The following RABGAP1 variants were observed in gnomAD, a reference collection of about 807,000 sequenced individuals.
The protein encoded by RABGAP1 is RAB GTPase activating protein 1, also known as rab GTPase-activating protein 1.
RABGAP1 carries 23 observed loss-of-function variants against 137.6 expected under a neutral mutation model. The ratio of observed to expected loss-of-function variants is 0.17; its 90% CI spans 0.12 to 0.24. The LOEUF is 0.24. Ranked by LOEUF, RABGAP1 falls within the 10% of genes least tolerant of loss-of-function variation. The probability of loss-of-function intolerance (pLI) is 1.00; values close to 1 mark genes in which losing one functional copy is unlikely to be tolerated. For synonymous variants in RABGAP1, 451 were observed against 450.7 expected (o/e 1.00, Z -0.01); for missense variants, 906 against 1,275.8 (o/e 0.71, Z 4.42).
At chr9:123,080,024 A>G (rs2034658846) in intron 19 of RABGAP1, among the ~76,000 whole-genome samples, 1 of 152,198 alleles carries the variant, frequency 6.6e-6, no homozygotes, top group Non-Finnish European at 1.5e-5. Context: ...GTGTTTTACA[A>G]AGAAGAGTTA....
intron 15 of RABGAP1, among the ~76,000 whole-genome samples, chr9:123,073,283 T>C (rs1329371278): frequency 6.6e-6 from 1 of 152,206 alleles, no homozygotes; most frequent in Admixed American, 6.5e-5. Flanking sequence ...TGATGTCTAA[T>C]TCCTATTACA....
intron 1 of RABGAP1, chr9:122,946,135 T>C (rs925494380): frequency 6.6e-6 from 1 of 152,088 alleles, no homozygotes; most frequent in African/African-American, 2.4e-5. Flanking sequence ...TAATACGAGA[T>C]AGCATACTGG....
intron 10 of RABGAP1, among the ~76,000 whole-genome samples, chr9:123,003,850 TAAAC>T (rs1235030803): frequency 1.3e-5 from 2 of 152,244 alleles, no homozygotes; most frequent in African/African-American, 4.8e-5. Flanking sequence ...AAAGACCAAT[TAAAC>T]ATTCTTATAA....
At chr9:123,038,062 T>A (rs2032759055) in intron 13 of RABGAP1, among the ~76,000 whole-genome samples, 1 of 152,184 alleles carries the variant, frequency 6.6e-6, no homozygotes, top group African/African-American at 2.4e-5. Flanking sequence ...ACTGATGTTA[T>A]ATTTGTAAAC....
intron 2 of RABGAP1, among the ~76,000 whole-genome samples, chr9:122,960,858 C>A (rs1029877329): frequency 6.6e-6 from 1 of 152,056 alleles, no homozygotes. Flanking sequence ...AATGGAAATT[C>A]TGGAATGGAA....
intron 16 of RABGAP1, 114 bp from the exon 17 acceptor site, chr9:123,074,171 A>G: frequency 7.7e-7 from 1 of 1,297,030 alleles, no homozygotes. Context: ...GGAGATTTTT[A>G]GAAAAACACA....
At chr9:122,965,082 G>A (rs1835067510) in intron 2 of RABGAP1, among the ~76,000 whole-genome samples, 1 of 152,080 alleles carries the variant, frequency 6.6e-6, no homozygotes, top group Non-Finnish European at 1.5e-5. Flanking sequence ...AGTAGTTCTA[G>A]GAAGTATAAA....
At chr9:123,037,903 A>G (rs925515667) in intron 13 of RABGAP1, among the ~76,000 whole-genome samples, 12 of 152,026 alleles carry the variant, frequency 7.9e-5, no homozygotes, top group African/African-American at 2.7e-4. Flanking sequence ...GTCTGACTTC[A>G]AAAAAAATGT....
intron 13 of RABGAP1, chr9:123,029,403 C>T (rs1049708965): frequency 6.1e-6 from 9 of 1,483,128 alleles, no homozygotes; most frequent in Non-Finnish European, 8.5e-6. Context: ...GCAGCTGGAG[C>T]ATCTCTGCCC....
chr9:123,050,730 T>C (rs1422996890), intron 13 of RABGAP1, among the ~76,000 whole-genome samples: 5 of 152,228 alleles, frequency 3.3e-5, no homozygotes. Context: ...CTATTACTGA[T>C]ATACAGGCTA....
chr9:123,076,112 A>G, intron 17 of RABGAP1, 133 bp from the exon 18 acceptor site: 1 of 902,820 alleles, frequency 1.1e-6, no homozygotes, highest in East Asian at 2.9e-5. Context: ...TTATTTTTCA[A>G]GGTAGTTCTG....
chr9:123,057,614 G>C (rs994274629), intron 13 of RABGAP1, among the ~76,000 whole-genome samples: 3 of 151,744 alleles, frequency 2.0e-5, no homozygotes, highest in African/African-American at 4.8e-5. Flanking sequence ...GACGATGGGC[G>C]GCCAGGCAGA....
In RABGAP1 at chr9:122,942,669, C is replaced by CAAAAAAAAAAAAAAAAAA. The variant is rs10660327; in HGVS notation, c.-50+1578_-50+1595dup. Among the ~76,000 whole-genome samples, 7 of 90,342 alleles carry CAAAAAAAAAAAAAAAAAA rather than the reference C, an allele frequency of 7.7e-5. 2 individuals are homozygous for CAAAAAAAAAAAAAAAAAA. The highest frequency in any genetic ancestry group is 1.5e-4 in the Non-Finnish European group (7 of 47,746). The allele number at this position is 90,342 out of a possible 152,430, so 59.3% of individuals were successfully genotyped here. ...TGAGCAACAGAGCGAGACTCCGTCT[C>CAAAAAAAAAAAAAAAAAA]AAAAAAAAAAAAAAAAAAACACAAA... On this transcript the variant is annotated intron_variant, in intron 1 of 25. Transcript: ENST00000373647.
At chr9:122,949,324 C>G (rs10760259) in intron 1 of RABGAP1, among the ~76,000 whole-genome samples, 1 of 151,900 alleles carries the variant, frequency 6.6e-6, no homozygotes, top group East Asian at 1.9e-4. Context: ...ACCAGCCTGG[C>G]CAACATGGCG....
At chr9:123,091,565 G>A (rs1263421195) in intron 21 of RABGAP1, among the ~76,000 whole-genome samples, 1 of 151,840 alleles carries the variant, frequency 6.6e-6, no homozygotes, top group Non-Finnish European at 1.5e-5. Flanking sequence ...AATGAGGGGT[G>A]GTAAAATAAT....
At chr9:122,970,090 T>TC (rs1835392676) in intron 2 of RABGAP1, among the ~76,000 whole-genome samples, 2 of 151,428 alleles carry the variant, frequency 1.3e-5, no homozygotes, top group Admixed American at 6.6e-5. Flanking sequence ...TTTTTTTTTT[T>TC]CTTAGTAGAG....
At position 123,089,866 on chromosome 9, in the gene RABGAP1, G is replaced by A. The variant is rs887898033; in HGVS notation, c.2517+16G>A. The A allele has an allele frequency of 1.2e-6, 2 of 1,601,778 alleles. No individual in the cohort carries two copies. The highest frequency in any genetic ancestry group is 1.7e-6 in the Non-Finnish European group (2 of 1,169,910). Reference sequence around the variant, plus strand: ...GCGATTTGAGGTTTGTTTGCTTATGGCCTACGTGTGAGGAGCTCCCATGCT... The same window carrying A: ...GCGATTTGAGGTTTGTTTGCTTATGACCTACGTGTGAGGAGCTCCCATGCT... On this transcript the variant is annotated intron_variant, in intron 20 of 25. Coordinates refer to ENST00000373647, the MANE Select transcript of RABGAP1 (RefSeq NM_012197.4).
At chr9:122,974,968 T>C (rs150086521) in intron 2 of RABGAP1, among the ~76,000 whole-genome samples, 2 of 152,194 alleles carry the variant, frequency 1.3e-5, no homozygotes, top group African/African-American at 4.8e-5. Flanking sequence ...AATATCCAAA[T>C]TGGACTTTTG....
At chr9:123,004,461 T>A (rs2030026219) in intron 10 of RABGAP1, among the ~76,000 whole-genome samples, 1 of 152,002 alleles carries the variant, frequency 6.6e-6, no homozygotes, top group South Asian at 2.1e-4. Context: ...ATTTTTTAAT[T>A]TTTTGGAGAG....
Sources: gnomAD v4.1 joint callset for allele counts (sites outside exome capture counted in the v4.1 genomes callset) on GRCh38, gnomAD v4.1.1 for gene constraint, MANE v1.5 for transcripts, NCBI Gene and HGNC (gene_info 2026-07-23, HGNC 2026-07-21) for gene names.